BTBD9: variants seen among roughly 807,000 people sequenced by gnomAD.
BTBD9 encodes BTB domain containing 9, also known as BTB/POZ domain-containing protein 9.
BTBD9 carries 49 observed loss-of-function variants against 64.3 expected under a neutral mutation model. That is an observed-to-expected ratio of 0.76 (90% CI 0.61 to 0.97). The LOEUF is 0.97. Ranked by LOEUF, BTBD9 falls within the 50% of genes least tolerant of loss-of-function variation. The pLI is 0.00. For missense variants in BTBD9, 598 were observed against 762.1 expected (o/e 0.78, Z 2.53); for synonymous variants, 260 against 274.7 (o/e 0.95, Z 0.53).
rs373363401 is a variant in BTBD9, at chr6:38,577,621, T to C, written c.1133A>G (p.Tyr378Cys). 24 of 1,609,238 alleles carry C rather than the reference T, an allele frequency of 1.5e-5. No homozygotes were observed. Among genetic ancestry groups the C allele is most frequent in the Non-Finnish European group, 1.9e-5 (23 of 1,179,572 alleles). The change falls in exon 6 of 11, where the codon TAT (tyrosine) becomes TGT (cysteine). Residue 378 changes from tyrosine (Y) to cysteine (C), a missense_variant. By Grantham distance (194) the Tyr-to-Cys change is radical. Coordinates refer to ENST00000481247, the MANE Select transcript of BTBD9 (RefSeq NM_001099272.2). ...TAACCTGCAGACACGGGCTGGAAAA[T>C]ATAATTTCTGCCAAGAACGACACAG... ...QYLCRSWQKL[Y>C]FPARVCRYIR... is the part of the protein sequence containing the mutation.
intron 10 of BTBD9, among the ~76,000 whole-genome samples, chr6:38,183,615 G>T (rs1761678934): frequency 6.6e-6 from 1 of 152,192 alleles, no homozygotes; most frequent in African/African-American, 2.4e-5. Context: ...ACCTGGCTTT[G>T]ATCATTATCT....
chr6:38,549,509 G>T (rs930167478), intron 6 of BTBD9, among the ~76,000 whole-genome samples: 1 of 151,978 alleles, frequency 6.6e-6, no homozygotes, highest in Non-Finnish European at 1.5e-5. Flanking sequence ...AAGAAAGTAA[G>T]ATTTCAGTAG....
At chr6:38,242,245 G>A (rs1197397651) in intron 9 of BTBD9, among the ~76,000 whole-genome samples, 1 of 152,180 alleles carries the variant, frequency 6.6e-6, no homozygotes, top group Non-Finnish European at 1.5e-5. Flanking sequence ...GCCAGTAGCA[G>A]ATGGGTAGGC....
chr6:38,276,913 T>C (rs1421735366), intron 8 of BTBD9, among the ~76,000 whole-genome samples: 4 of 152,218 alleles, frequency 2.6e-5, no homozygotes, highest in Non-Finnish European at 5.9e-5. Context: ...TGCCGTAAAA[T>C]TTCTGATCTT....
chr6:38,424,332 G>C (rs1320545179), intron 6 of BTBD9, among the ~76,000 whole-genome samples: 1 of 151,632 alleles, frequency 6.6e-6, no homozygotes, highest in Non-Finnish European at 1.5e-5. Context: ...AACAAATTTG[G>C]AAGCAATTGG....
chr6:38,554,399 G>C (rs1774933578), intron 6 of BTBD9, among the ~76,000 whole-genome samples: 1 of 152,168 alleles, frequency 6.6e-6, no homozygotes. Context: ...GGAAGTGCCA[G>C]CCACTTTAAA....
chr6:38,592,441 C>T lies in BTBD9; in HGVS notation c.814+135G>A, dbSNP rs1776839003. 2.7e-5 allele frequency: 26 copies of T among 951,894 alleles called. No individual in the cohort carries two copies. The South Asian group carries it at 4.3e-4, about 16-fold the overall frequency. 59.0% of individuals were successfully genotyped at this position (951,894 alleles called of 1,614,324 possible). ...AGGAAAATGAAAGGGAAAGACATTC[C>T]ATAGGCTAGCTGTTTATAAACGTAC... On this transcript the variant is annotated intron_variant, in intron 4 of 10. Transcript: ENST00000481247.
intron 8 of BTBD9, among the ~76,000 whole-genome samples, chr6:38,277,451 G>A (rs1054552810): frequency 4.6e-5 from 7 of 151,360 alleles, no homozygotes; most frequent in African/African-American, 2.4e-5. Flanking sequence ...CTCTTGCCTT[G>A]GCCTCCTGAG....
At chr6:38,614,282 C>T (rs903743162) in intron 1 of BTBD9, among the ~76,000 whole-genome samples, 1 of 152,142 alleles carries the variant, frequency 6.6e-6, no homozygotes, top group African/African-American at 2.4e-5. Context: ...CCTATCATAC[C>T]TTGCTATGAT....
chr6:38,319,548 T>C (rs1041745288), intron 7 of BTBD9, among the ~76,000 whole-genome samples: 5 of 151,966 alleles, frequency 3.3e-5, no homozygotes, highest in Non-Finnish European at 7.4e-5. Context: ...GGGCAGCAGG[T>C]TCCCTTCTGG....
At chr6:38,625,306 C>T (rs1778129815) in intron 1 of BTBD9, among the ~76,000 whole-genome samples, 1 of 152,134 alleles carries the variant, frequency 6.6e-6, no homozygotes, top group Non-Finnish European at 1.5e-5. Flanking sequence ...TTTTAAAGGC[C>T]ATATGCCAAA....
chr6:38,435,484 A>T (rs1375219440), intron 6 of BTBD9, among the ~76,000 whole-genome samples: 2 of 151,896 alleles, frequency 1.3e-5, no homozygotes, highest in Non-Finnish European at 2.9e-5. Context: ...TTTTGTTCTT[A>T]AAAAAAGTCT....
At chr6:38,503,548 C>T (rs1772312643) in intron 6 of BTBD9, among the ~76,000 whole-genome samples, 1 of 152,078 alleles carries the variant, frequency 6.6e-6, no homozygotes, top group South Asian at 2.1e-4. Context: ...GAGGAGGCAG[C>T]TGTCCTTGTT....
intron 7 of BTBD9, among the ~76,000 whole-genome samples, chr6:38,325,495 C>T (rs548214773): frequency 8.0e-4 from 122 of 152,272 alleles, no homozygotes; most frequent in African/African-American, 2.7e-3. Flanking sequence ...ACCATCCTGG[C>T]TAACATGGTG....
chr6:38,561,971 G>A (rs1433040940), intron 6 of BTBD9, among the ~76,000 whole-genome samples: 1 of 152,122 alleles, frequency 6.6e-6, no homozygotes, highest in African/African-American at 2.4e-5. Context: ...GCATGCAAGT[G>A]CACCTAGTAC....
At chr6:38,321,472 AG>A in intron 7 of BTBD9, among the ~76,000 whole-genome samples, 1 of 152,294 alleles carries the variant, frequency 6.6e-6, no homozygotes, top group South Asian at 2.1e-4. Flanking sequence ...AGAGAGGAAG[AG>A]GGGGAGGGAA....
At chr6:38,389,456 T>A (rs1766317083) in intron 6 of BTBD9, among the ~76,000 whole-genome samples, 1 of 152,228 alleles carries the variant, frequency 6.6e-6, no homozygotes, top group Admixed American at 6.5e-5. Flanking sequence ...TAAACACGTA[T>A]GAAGCACCTG....
intron 4 of BTBD9, chr6:38,587,970 C>G: frequency 2.7e-6 from 2 of 737,846 alleles, no homozygotes; most frequent in Non-Finnish European, 2.5e-6. Flanking sequence ...ATTGCCGCCT[C>G]CTCCTCAGTA....
chr6:38,417,122 T>A (rs896461369), intron 6 of BTBD9, among the ~76,000 whole-genome samples: 4 of 152,048 alleles, frequency 2.6e-5, no homozygotes, highest in Non-Finnish European at 4.4e-5. Flanking sequence ...CTTTTTAAAA[T>A]TTTTTTTGTG....
Sources: allele counts gnomAD v4.1 joint callset (sites outside exome capture counted in the v4.1 genomes callset), GRCh38; gene constraint gnomAD v4.1.1; transcripts MANE v1.5; gene names NCBI Gene and HGNC (gene_info 2026-07-23, HGNC 2026-07-21).